NUP160: variants seen among roughly 807,000 people sequenced by gnomAD.
The protein encoded by NUP160 is nuclear pore complex protein Nup160.
A neutral mutation model predicts 196.9 loss-of-function variants in NUP160; 94 were observed. The observed-to-expected ratio is 0.48, with a 90% CI of 0.40 to 0.57. The LOEUF (loss-of-function observed/expected upper bound fraction) is 0.57. NUP160 is among the 20% of genes least tolerant of loss of function. The pLI, the probability that NUP160 is intolerant of heterozygous loss-of-function variation, is 0.00. For missense variants in NUP160, 1,638 were observed against 1,748.3 expected (o/e 0.94, Z 1.13); for synonymous variants, 605 against 619.7 (o/e 0.98, Z 0.35).
At chr11:47,813,106 T>C (rs1441676290) in intron 14 of NUP160, 59 bp from the exon 15 acceptor site, 4 of 1,231,996 alleles carry the variant, frequency 3.2e-6, no homozygotes, top group African/African-American at 1.5e-5. Flanking sequence ...TATTGATTGA[T>C]ATTACATTAA....
intron 35 of NUP160, among the ~76,000 whole-genome samples, chr11:47,780,026 G>A (rs569464137): frequency 2.0e-5 from 3 of 152,126 alleles, no homozygotes; most frequent in Non-Finnish European, 4.4e-5. Context: ...CACTGCGCCC[G>A]GCCTATCATT....
At chr11:47,826,313 T>C (rs6485787) in intron 7 of NUP160, among the ~76,000 whole-genome samples, 146,604 of 152,300 alleles carry the variant, frequency 0.96, 70,811 homozygotes, top group Middle Eastern at 1. Context: ...TAAAATACTA[T>C]AAGTTCACTA....
rs2097672186 is a variant in NUP160, at chr11:47,798,457, G to A, written c.2902C>T (p.Arg968Ter). Residue 968 changes from arginine (R) to a stop codon, truncating the protein, a stop_gained, in exon 24 of 36, where the codon CGA becomes TGA. Transcript: ENST00000378460. LOFTEE classifies it high-confidence loss of function. ...GGCAAACCAATGACATCTAGTAGTC[G>A]TAAAACCTAACGAGAAATAGAAGAA... The A allele has an allele frequency of 3.2e-6, 5 of 1,562,662 alleles. No homozygotes were observed. Among genetic ancestry groups the A allele is most frequent in the African/African-American group, 1.4e-5 (1 of 73,674 alleles).
At chr11:47,808,660 A>G in intron 17 of NUP160, 131 bp from the exon 18 acceptor site, 1 of 618,870 alleles carries the variant, frequency 1.6e-6, no homozygotes, top group Non-Finnish European at 2.5e-6. Context: ...AACACGTTTT[A>G]CATTTTACGG....
At chr11:47,796,773 G>A (rs2097671113) in intron 27 of NUP160, among the ~76,000 whole-genome samples, 1 of 152,194 alleles carries the variant, frequency 6.6e-6, no homozygotes, top group South Asian at 2.1e-4. Flanking sequence ...CTGGAGTGCA[G>A]TGACATGATT....
At chr11:47,818,174 A>G in intron 10 of NUP160, 50 bp from the exon 11 acceptor site, 1 of 1,207,738 alleles carries the variant, frequency 8.3e-7, no homozygotes, top group Middle Eastern at 1.9e-4. Flanking sequence ...CAAAATTTGG[A>G]ATTCAACACA....
chr11:47,809,148 T>C (rs992716328), intron 17 of NUP160, among the ~76,000 whole-genome samples: 34 of 148,996 alleles, frequency 2.3e-4, no homozygotes, highest in African/African-American at 7.9e-4. Context: ...GTGCCTGTAG[T>C]CCCAGGTACT....
exon 11 of NUP160, chr11:47,818,068 A>C: frequency 6.2e-7 from 1 of 1,609,816 alleles, no homozygotes; most frequent in South Asian, 1.1e-5. Flanking sequence ...GTAAAGCCTT[A>C]CATAAAGCTT....
intron 28 of NUP160, 64 bp from the exon 29 acceptor site, chr11:47,792,054 G>T: frequency 9.0e-7 from 1 of 1,107,120 alleles, no homozygotes; most frequent in Non-Finnish European, 1.3e-6. Context: ...ATCATTAACG[G>T]TGATTCATAG....
At chr11:47,827,363 CAA>C (rs59609032) in intron 7 of NUP160, among the ~76,000 whole-genome samples, 6 of 87,246 alleles carry the variant, frequency 6.9e-5, no homozygotes, top group Non-Finnish European at 2.4e-5. Context: ...GACACTGTCT[CAA>C]AAAAAAAAAA....
intron 29 of NUP160, among the ~76,000 whole-genome samples, chr11:47,790,498 T>C (rs1599307944): frequency 6.6e-6 from 1 of 152,030 alleles, no homozygotes; most frequent in African/African-American, 2.4e-5. Context: ...TGACCTGAGG[T>C]GATCCACCCG....
At chr11:47,823,676 A>C (rs913158966) in intron 7 of NUP160, among the ~76,000 whole-genome samples, 2 of 151,846 alleles carry the variant, frequency 1.3e-5, no homozygotes, top group Non-Finnish European at 2.9e-5. Flanking sequence ...CTGGGACTAC[A>C]GGCGCCTGTC....
At chr11:47,786,523 C>T in exon 32 of NUP160, 2 of 1,613,832 alleles carry the variant, frequency 1.2e-6, no homozygotes, top group South Asian at 2.2e-5. Context: ...TCTGCTTGTG[C>T]TGCCTCTCCT....
intron 22 of NUP160, among the ~76,000 whole-genome samples, chr11:47,802,996 T>C (rs561991018): frequency 9.2e-5 from 14 of 151,774 alleles, no homozygotes; most frequent in African/African-American, 3.4e-4. Flanking sequence ...AAAGAAATAA[T>C]AAAATAAGTA....
chr11:47,821,608 C>T, intron 9 of NUP160, 116 bp downstream of exon 9: 1 of 721,472 alleles, frequency 1.4e-6, no homozygotes, highest in South Asian at 1.8e-5. Context: ...GATTTGCCTG[C>T]CTCGGCCTCT....
rs937559711 is a variant in NUP160, at chr11:47,792,958, T to C, written c.3290-12A>G. ...CATCACTGTGCCAGCTATGAGGAGA[T>C]AATAAATTAGACTTTAGAACTTCCA... On this transcript the variant is annotated splice_polypyrimidine_tract_variant and intron_variant, in intron 27 of 35. Transcript: ENST00000378460. 2 of 1,600,214 alleles carry C rather than the reference T, an allele frequency of 1.2e-6. No individual in the cohort carries two copies. The highest frequency in any genetic ancestry group is 1.8e-5 in the Admixed American group (1 of 55,464).
chr11:47,788,775 C>T (rs1175642411), intron 29 of NUP160, among the ~76,000 whole-genome samples, 164 bp from the exon 30 acceptor site: 2 of 151,842 alleles, frequency 1.3e-5, no homozygotes, highest in Non-Finnish European at 2.9e-5. Flanking sequence ...CTAACTTAAA[C>T]AAATTATGCA....
In NUP160 at chr11:47,840,146, T is replaced by G. The variant is rs1421552988; in HGVS notation, c.526-81A>C. On this transcript the variant is annotated intron_variant, in intron 3 of 35. Transcript: ENST00000378460. ...CAGTTCCTCTCTATTGCTAAAAAAG[T>G]TTTTAAAGTAAAAAACTGTCAAGTT... 5.5e-6 allele frequency: 6 copies of G among 1,086,366 alleles called. No individual in the cohort carries two copies. In the East Asian group the frequency reaches 1.5e-4, roughly 27 times the overall value. The allele number at this position is 1,086,366 out of a possible 1,614,324, so 67.3% of individuals were successfully genotyped here. A position where few individuals can be genotyped will look rare whatever the true frequency, so the allele number is the denominator to read the frequency against.
intron 7 of NUP160, among the ~76,000 whole-genome samples, chr11:47,823,540 TTTC>T (rs962289016): frequency 7.2e-5 from 11 of 152,216 alleles, no homozygotes; most frequent in African/African-American, 2.4e-4. Flanking sequence ...TCCTTCCTTT[TTTC>T]TTTTTTTTTG....
Sources: gnomAD v4.1 joint callset for allele counts (sites outside exome capture counted in the v4.1 genomes callset) on GRCh38, gnomAD v4.1.1 for gene constraint, MANE v1.5 for transcripts, NCBI Gene and HGNC (gene_info 2026-07-23, HGNC 2026-07-21) for gene names.